The following DENND5A variants were observed in gnomAD, a reference collection of about 807,000 sequenced individuals.
DENND5A encodes DENN domain containing 5A.
A neutral mutation model predicts 140.3 loss-of-function variants in DENND5A; 64 were observed. That is an observed-to-expected ratio of 0.46 (90% CI 0.37 to 0.56). The LOEUF (loss-of-function observed/expected upper bound fraction) is 0.56. DENND5A is among the 20% of genes least tolerant of loss of function. The pLI is 0.00. For synonymous variants in DENND5A, 605 were observed against 607.7 expected, an observed-to-expected ratio of 1.00 and a Z score of 0.07; for missense variants, 1,292 against 1,593.8, an observed-to-expected ratio of 0.81 and a Z score of 3.22.
intron 22 of DENND5A, 88 bp downstream of exon 22, chr11:9,141,852 G>A (rs1847252243): frequency 1.6e-6 from 2 of 1,286,788 alleles, no homozygotes; most frequent in Middle Eastern, 2.8e-4. Context: ...CACCTGATGA[G>A]CCATTCCTCA....
At chr11:9,248,569 G>A (rs1048807491) in intron 1 of DENND5A, among the ~76,000 whole-genome samples, 8 of 152,004 alleles carry the variant, frequency 5.3e-5, no homozygotes, top group Non-Finnish European at 1.2e-4. Flanking sequence ...TAGGAGGATG[G>A]CTTGAACCTG....
rs1465085684 is a variant in DENND5A at position 9,265,229 on chromosome 11, G to A, written c.-160C>T. 32 of 278,128 alleles carry A rather than the reference G, an allele frequency of 1.2e-4. No homozygotes were observed. The highest frequency in any genetic ancestry group is 1.6e-4 in the Non-Finnish European group (26 of 162,584). The allele number at this position is 278,128 out of a possible 1,614,324, so 17.2% of individuals were successfully genotyped here. On this transcript the variant is annotated 5_prime_UTR_variant, in exon 1 of 23. Transcript: ENST00000328194. The surrounding 1 kb of genome is among the most constrained non-coding windows in gnomAD (Gnocchi z 4.7). Reference sequence around the variant, plus strand: ...TGGCCCGGTCCCCTCGGCCGCCGCGGCTGCCGTGACGGGGCGGGGGGGCAC... The same window carrying A: ...TGGCCCGGTCCCCTCGGCCGCCGCGACTGCCGTGACGGGGCGGGGGGGCAC...
At chr11:9,144,338 A>G in intron 18 of DENND5A, 60 bp from the exon 19 acceptor site, 1 of 1,561,580 alleles carries the variant, frequency 6.4e-7, no homozygotes, top group Non-Finnish European at 8.8e-7. Context: ...TCACAGGAAG[A>G]GCCATCAACA....
At chr11:9,167,081 A>G (rs1256903706) in intron 10 of DENND5A, among the ~76,000 whole-genome samples, 1 of 152,166 alleles carries the variant, frequency 6.6e-6, no homozygotes, top group African/African-American at 2.4e-5. Flanking sequence ...ATTATTTTGT[A>G]TAATGTGCTG....
At chr11:9,157,237 T>C (rs531206431) in intron 12 of DENND5A, among the ~76,000 whole-genome samples, 20 of 152,348 alleles carry the variant, frequency 1.3e-4, no homozygotes, top group Admixed American at 6.5e-4. Context: ...GAACCCAGCA[T>C]AATAATAGCT....
chr11:9,235,847 G>A (rs1850978207), intron 1 of DENND5A, among the ~76,000 whole-genome samples: 1 of 152,140 alleles, frequency 6.6e-6, no homozygotes, highest in Admixed American at 6.6e-5. Context: ...ACTGTTTAAT[G>A]AGTGCAGCAT....
At chr11:9,217,359 C>A (rs987752993) in intron 1 of DENND5A, among the ~76,000 whole-genome samples, 1 of 151,970 alleles carries the variant, frequency 6.6e-6, no homozygotes, top group African/African-American at 2.4e-5. Flanking sequence ...ACTAAAAATG[C>A]AAAAATTAGC....
At chr11:9,211,738 C>T (rs541630422) in intron 1 of DENND5A, among the ~76,000 whole-genome samples, 1 of 152,064 alleles carries the variant, frequency 6.6e-6, no homozygotes, top group African/African-American at 2.4e-5. Flanking sequence ...TCGAGACAAG[C>T]CTGGCCAATA....
chr11:9,170,019 G>GAA, intron 9 of DENND5A, 70 bp from the exon 10 acceptor site: 1 of 1,129,320 alleles, frequency 8.9e-7, no homozygotes, highest in Non-Finnish European at 1.3e-6. Flanking sequence ...ACTAACAGGA[G>GAA]AAAACATGAA....
Position 9,210,401 on chromosome 11 carries a change from C to T in DENND5A, c.110-2769G>A, listed in dbSNP as rs193165819. 1.7e-3 allele frequency among the ~76,000 whole-genome samples: 260 copies of T among 152,332 alleles called. 1 individual carries two copies. The highest frequency in any genetic ancestry group is 6.1e-3 in the African/African-American group (253 of 41,572). On this transcript the variant is annotated intron_variant, in intron 1 of 22. Transcript: ENST00000328194. ...CAAAATTAGTCAACTATGTGTGAGT[C>T]TATCTTTGTGAATCTGCTTCCAAGG...
intron 5 of DENND5A, among the ~76,000 whole-genome samples, chr11:9,186,917 C>T (rs1299967112): frequency 1.3e-5 from 2 of 152,050 alleles, no homozygotes; most frequent in African/African-American, 2.4e-5. Context: ...CCCGTCTCTA[C>T]TAAAAACACA....
At chr11:9,236,195 C>A (rs548846286) in intron 1 of DENND5A, among the ~76,000 whole-genome samples, 33 of 151,082 alleles carry the variant, frequency 2.2e-4, no homozygotes, top group African/African-American at 7.8e-4. Flanking sequence ...TGCACTCCAG[C>A]CTGGGCAACA....
intron 10 of DENND5A, among the ~76,000 whole-genome samples, chr11:9,167,293 G>A (rs1848223492): frequency 6.6e-6 from 1 of 151,414 alleles, no homozygotes; most frequent in South Asian, 2.1e-4. Flanking sequence ...CCAAGGTTAG[G>A]GTCCAATTAC....
At chr11:9,202,687 C>CACCAT (rs1005126034) in intron 4 of DENND5A, among the ~76,000 whole-genome samples, 1 of 152,196 alleles carries the variant, frequency 6.6e-6, no homozygotes, top group Non-Finnish European at 1.5e-5. Flanking sequence ...AAGTCTCTAA[C>CACCAT]ACCATCTCCT....
intron 1 of DENND5A, among the ~76,000 whole-genome samples, chr11:9,222,922 C>T (rs1225971496): frequency 1.3e-5 from 2 of 152,202 alleles, no homozygotes; most frequent in Non-Finnish European, 2.9e-5. Flanking sequence ...TACCTTCTAC[C>T]AGACATAGCT....
intron 12 of DENND5A, among the ~76,000 whole-genome samples, chr11:9,153,344 CAAAAAAAAAAA>C (rs59736475): frequency 1.9e-4 from 5 of 27,024 alleles, no homozygotes; most frequent in South Asian, 4.0e-3. Flanking sequence ...GGCTCCCTCT[CAAAAAAAAAAA>C]AAAAAAAAAA....
At chr11:9,162,139 T>G (rs1848004260) in intron 11 of DENND5A, among the ~76,000 whole-genome samples, 1 of 119,152 alleles carries the variant, frequency 8.4e-6, no homozygotes, top group South Asian at 2.5e-4. Flanking sequence ...TTTGGCATAT[T>G]TCTTTCCACT....
At position 9,165,922 on chromosome 11, in the gene DENND5A, G is replaced by T. The variant is rs775670471; in HGVS notation, c.2197C>A (p.Pro733Thr). The change falls in exon 11 of 23, where the codon CCC becomes ACC. Residue 733 changes from proline (P) to threonine (T), a missense_variant. Coordinates refer to ENST00000328194, the MANE Select transcript of DENND5A (RefSeq NM_015213.4). ...ARTMGSTIRQPKLSNLSPSVI... is the reference protein window; with the variant it reads ...ARTMGSTIRQTKLSNLSPSVI... Reference sequence around the variant, plus strand: ...GATGGAGAGAGGTTGGACAGTTTGGGCTGGCGGATAGTGCTGCCCATAGTC... The same window carrying T: ...GATGGAGAGAGGTTGGACAGTTTGGTCTGGCGGATAGTGCTGCCCATAGTC... 1 of 1,614,124 alleles carries T rather than the reference G, an allele frequency of 6.2e-7. No individual in the cohort carries two copies. The highest frequency in any genetic ancestry group is 1.1e-5 in the South Asian group (1 of 91,084).
rs189897049 is a variant in DENND5A at position 9,216,233 on chromosome 11, T to C, written c.110-8601A>G. ...GATGAAGTATATGACTAGCTGCTCA[T>C]CTCTAAAGGTTTTTCCAGCTTGGTC... On this transcript the variant is annotated intron_variant, in intron 1 of 22. Coordinates refer to ENST00000328194, the MANE Select transcript of DENND5A (RefSeq NM_015213.4). Among the ~76,000 whole-genome samples the C allele has an allele frequency of 2.6e-5, 4 of 152,330 alleles. No homozygotes were observed. In the East Asian group the frequency reaches 7.7e-4, roughly 29 times the overall value.
Sources: allele counts gnomAD v4.1 joint callset (sites outside exome capture counted in the v4.1 genomes callset), GRCh38; gene constraint gnomAD v4.1.1; non-coding constraint Gnocchi (gnomAD v3.1); transcripts MANE v1.5; gene names NCBI Gene and HGNC (gene_info 2026-07-23, HGNC 2026-07-21).